Variants in FBXO36 observed in about 807,000 individuals in gnomAD.
FBXO36 encodes F-box protein 36.
FBXO36 carries 18 observed loss-of-function variants against 17.0 expected under a neutral mutation model. The observed-to-expected ratio is 1.06, with a 90% CI of 0.73 to 1.57. The LOEUF (loss-of-function observed/expected upper bound fraction) is 1.57. Ranked by LOEUF, FBXO36 falls within the 40% of genes most tolerant of loss-of-function variation. FBXO36 has a pLI of 0.00. For missense variants in FBXO36, 229 were observed against 221.9 expected (o/e 1.03, Z -0.20); for synonymous variants, 83 against 85.3 (o/e 0.97, Z 0.15).
At chr2:229,925,945 A>G (rs1337614086) in intron 1 of FBXO36, among the ~76,000 whole-genome samples, 2 of 151,996 alleles carry the variant, frequency 1.3e-5, no homozygotes, top group South Asian at 2.1e-4. Context: ...TGATCTTTAT[A>G]ATGATGATCT....
intron 1 of FBXO36, among the ~76,000 whole-genome samples, chr2:229,969,929 A>G (rs2077172884): frequency 6.6e-6 from 1 of 152,156 alleles, no homozygotes; most frequent in South Asian, 2.1e-4. Context: ...AAATGCATGA[A>G]AAGATATTGA....
At chr2:229,982,776 C>T (rs2077247302) in intron 2 of FBXO36, among the ~76,000 whole-genome samples, 1 of 48,930 alleles carries the variant, frequency 2.0e-5, no homozygotes, top group African/African-American at 6.4e-5. Context: ...AAGAGCTTGT[C>T]TCAAAAAAAA....
At chr2:229,984,027 T>C (rs1049186886) in intron 2 of FBXO36, among the ~76,000 whole-genome samples, 3 of 152,232 alleles carry the variant, frequency 2.0e-5, no homozygotes, top group Non-Finnish European at 4.4e-5. Flanking sequence ...ATTTGAATTC[T>C]TTCTGTTTGA....
chr2:229,950,610 T>C (rs2077052431), intron 1 of FBXO36, among the ~76,000 whole-genome samples: 1 of 152,152 alleles, frequency 6.6e-6, no homozygotes, highest in African/African-American at 2.4e-5. Flanking sequence ...AATTCATGAG[T>C]CAGGTCAGCC....
Position 230,010,723 on chromosome 2 carries a change from C to G in FBXO36, c.406C>G (p.Gln136Glu), listed in dbSNP as rs1402954300. Residue 136 changes from glutamine (Q) to glutamate (E), a missense_variant, in exon 4 of 4, where the codon CAG becomes GAG. By Grantham distance (29) the Gln-to-Glu change is conservative (BLOSUM62 2). Coordinates refer to ENST00000283946, the MANE Select transcript of FBXO36 (RefSeq NM_174899.5). ...KLCMSDKLWE[Q>E]IVQSTCDTIT... ...GTGCATGTCTGATAAACTGTGGGAA[C>G]AGATAGTCCAGTCGACCTGCGACAC... 1 of 1,612,682 alleles carries G rather than the reference C, an allele frequency of 6.2e-7. No individual in the cohort carries two copies. Among genetic ancestry groups the G allele is most frequent in the East Asian group, 2.2e-5 (1 of 44,880 alleles).
intron 1 of FBXO36, among the ~76,000 whole-genome samples, chr2:229,931,001 A>G (rs940915669): frequency 2.0e-5 from 3 of 152,216 alleles, no homozygotes; most frequent in Non-Finnish European, 4.4e-5. Context: ...ACACTTCAGA[A>G]AAATGATTCC....
At chr2:229,922,723 G>A (rs770663773) in intron 1 of FBXO36, 114 bp downstream of exon 1, 20 of 1,063,990 alleles carry the variant, frequency 1.9e-5, no homozygotes, top group Non-Finnish European at 2.7e-5. Context: ...GAAGCGCCCA[G>A]TCCCGGCTCC....
chr2:230,007,044 G>T (rs1294588401), intron 3 of FBXO36, among the ~76,000 whole-genome samples: 1 of 152,252 alleles, frequency 6.6e-6, no homozygotes, highest in Non-Finnish European at 1.5e-5. Flanking sequence ...CTGTGGATGA[G>T]CAACCAGCAT....
intron 2 of FBXO36, among the ~76,000 whole-genome samples, chr2:229,993,472 C>G (rs2077308806): frequency 6.6e-6 from 1 of 151,924 alleles, no homozygotes; most frequent in Admixed American, 6.6e-5. Flanking sequence ...ATAGGGCAGC[C>G]CTATTCAGTG....
At chr2:229,973,593 C>T (rs1283926315) in intron 1 of FBXO36, among the ~76,000 whole-genome samples, 2 of 151,088 alleles carry the variant, frequency 1.3e-5, no homozygotes, top group East Asian at 1.9e-4. Context: ...CCGTGGTGGG[C>T]GCCTGTAATC....
chr2:229,985,907 G>A (rs2077265529), intron 2 of FBXO36, among the ~76,000 whole-genome samples: 1 of 152,002 alleles, frequency 6.6e-6, no homozygotes, highest in Admixed American at 6.6e-5. Flanking sequence ...AATTAGCTGG[G>A]CATGGTGGCA....
intron 1 of FBXO36, among the ~76,000 whole-genome samples, chr2:229,941,090 A>G (rs1265891025): frequency 6.6e-6 from 1 of 152,154 alleles, no homozygotes; most frequent in Non-Finnish European, 1.5e-5. Context: ...ACTCTAGCGC[A>G]GTGAATCTAC....
chr2:229,931,834 A>C (rs2076939783), intron 1 of FBXO36, among the ~76,000 whole-genome samples: 1 of 152,142 alleles, frequency 6.6e-6, no homozygotes, highest in Non-Finnish European at 1.5e-5. Context: ...GTGAGACTTC[A>C]GTCTCAAAAA....
intron 2 of FBXO36, among the ~76,000 whole-genome samples, chr2:229,989,050 A>G (rs1248208431): frequency 1.3e-5 from 2 of 152,078 alleles, no homozygotes; most frequent in South Asian, 2.1e-4. Flanking sequence ...AACTGTGTGC[A>G]CAGATCATTT....
chr2:229,983,513 C>T (rs28541318), intron 2 of FBXO36, among the ~76,000 whole-genome samples: 2,575 of 152,086 alleles, frequency 0.017, 67 homozygotes, highest in African/African-American at 0.06. Flanking sequence ...GCTATGTTGC[C>T]CAGGCTGGTC....
chr2:229,996,714 T>G (rs2077329358), intron 2 of FBXO36, 37 bp from the exon 3 acceptor site: 1 of 1,569,108 alleles, frequency 6.4e-7, no homozygotes, highest in Non-Finnish European at 8.6e-7. Context: ...TTTATGTGAC[T>G]GTATATGATA....
chr2:229,952,846 G>A (rs954199652), intron 1 of FBXO36, among the ~76,000 whole-genome samples: 2 of 152,206 alleles, frequency 1.3e-5, no homozygotes, highest in African/African-American at 4.8e-5. Context: ...CATCTTACCT[G>A]ATGCTGGCCA....
At chr2:229,998,139 A>AT (rs1469031053) in intron 3 of FBXO36, among the ~76,000 whole-genome samples, 2 of 152,160 alleles carry the variant, frequency 1.3e-5, no homozygotes, top group South Asian at 2.1e-4. Context: ...AAAAGCCAAC[A>AT]TTTTTTCCCA....
intron 3 of FBXO36, among the ~76,000 whole-genome samples, chr2:230,007,629 T>G (rs1379177941): frequency 6.6e-6 from 1 of 151,828 alleles, no homozygotes; most frequent in Non-Finnish European, 1.5e-5. Context: ...TGTTACAGAG[T>G]CTCGCTCTGT....
Sources: gnomAD v4.1 joint callset for allele counts (sites outside exome capture counted in the v4.1 genomes callset) on GRCh38, gnomAD v4.1.1 for gene constraint, MANE v1.5 for transcripts, NCBI Gene and HGNC (gene_info 2026-07-23, HGNC 2026-07-21) for gene names.